PTGR1: variants seen among roughly 807,000 people sequenced by gnomAD.
PTGR1 encodes prostaglandin reductase 1.
Under a neutral mutation model 37.7 loss-of-function variants are expected in PTGR1, and 23 were observed. The ratio of observed to expected loss-of-function variants is 0.61; its 90% CI spans 0.44 to 0.86. The LOEUF (loss-of-function observed/expected upper bound fraction) is 0.86. Ranked by LOEUF, PTGR1 falls within the 40% of genes least tolerant of loss-of-function variation. The pLI, the probability that PTGR1 is intolerant of heterozygous loss-of-function variation, is 0.00. For missense variants in PTGR1, 351 were observed against 394.3 expected, an observed-to-expected ratio of 0.89 and a Z score of 0.93; for synonymous variants, 134 against 140.0, an observed-to-expected ratio of 0.96 and a Z score of 0.30.
intron 9 of PTGR1, chr9:111,563,558 T>C (rs537132265): frequency 1.2e-3 from 214 of 171,648 alleles, no homozygotes; most frequent in Non-Finnish European, 2.1e-3. Context: ...CAGGCTGGAG[T>C]GCAGTGCCGC....
intron 4 of PTGR1, among the ~76,000 whole-genome samples, chr9:111,587,730 G>GTT (rs111957718): frequency 3.9e-5 from 6 of 152,298 alleles, no homozygotes; most frequent in Admixed American, 1.3e-4. Flanking sequence ...GATTACAGGC[G>GTT]TGAGACACCG....
chr9:111,579,093 G>T, intron 6 of PTGR1, 142 bp from the exon 7 acceptor site: 1 of 766,326 alleles, frequency 1.3e-6, no homozygotes, highest in South Asian at 2.4e-5. Context: ...TACCATAATG[G>T]GCCAACAGAT....
At chr9:111,555,632 AG>A (rs1828100694) in intron 9 of PTGR1, among the ~76,000 whole-genome samples, 1 of 152,180 alleles carries the variant, frequency 6.6e-6, no homozygotes, top group Non-Finnish European at 1.5e-5. Flanking sequence ...AGAAGGGCAA[AG>A]GGGAAGCAAG....
Position 111,594,266 on chromosome 9 carries a change from C to A in PTGR1, c.108G>T (p.Glu36Asp). ...TGAGGAACAAAGCTTCAAGCAGGAC[C>A]TCTACAAAATAAAGCATTCCATAGG... ...TAELPPLKNG[E>D]VLLEALFLTV... is the part of the protein sequence containing the mutation. The change falls in exon 3 of 10, where the codon GAG (glutamate) becomes GAT (aspartate). Residue 36 changes from glutamate to aspartate, a missense_variant and splice_region_variant. Physicochemically the swap from Glu to Asp is conservative, Grantham distance 45. Coordinates refer to ENST00000407693, the MANE Select transcript of PTGR1 (RefSeq NM_001146108.2). 6.2e-7 allele frequency: 1 copy of A among 1,613,270 alleles called. No individual in the cohort carries two copies. Among genetic ancestry groups the A allele is most frequent in the Non-Finnish European group, 8.5e-7 (1 of 1,179,336 alleles).
intron 4 of PTGR1, 181 bp downstream of exon 4, chr9:111,592,745 C>A: frequency 2.7e-6 from 2 of 749,102 alleles, no homozygotes; most frequent in Non-Finnish European, 2.0e-6. Flanking sequence ...AATTTCACAT[C>A]CTTCCCTCCT....
In PTGR1 at chr9:111,597,313, T is replaced by A; in HGVS notation, c.106+4A>T. 1 of 1,592,242 alleles carries A rather than the reference T, an allele frequency of 6.3e-7. No homozygotes were observed. The highest frequency in any genetic ancestry group is 8.6e-7 in the Non-Finnish European group (1 of 1,161,132). ...AACTCTGAAATATTTTTAGTATGAC[T>A]TACCTCCATTTTTTAAGGGTGGGAG... On this transcript the variant is annotated splice_donor_region_variant and intron_variant, in intron 2 of 9. Transcript: ENST00000407693.
intron 1 of PTGR1, among the ~76,000 whole-genome samples, chr9:111,598,498 AT>A (rs1294749976): frequency 4.6e-5 from 7 of 151,976 alleles, no homozygotes; most frequent in Non-Finnish European, 1.5e-5. Context: ...TTTTTTTAAA[AT>A]TAAGACTTTT....
intron 9 of PTGR1, among the ~76,000 whole-genome samples, chr9:111,568,929 A>C (rs1482660972): frequency 1.3e-5 from 2 of 152,222 alleles, no homozygotes; most frequent in African/African-American, 2.4e-5. Flanking sequence ...TGAAGATAGA[A>C]CCACCAGAAT....
rs768494107 is a variant in PTGR1 at position 111,563,165 on chromosome 9, T to C, written c.946A>G (p.Met316Val). ...TTCCCCAAATTATCTCCTTTCAGCA[T>C]TCCCATAAATGCAGCTGGCATGTTT... is the stretch of plus-strand genomic sequence containing the variant. ...FENMPAAFMG[M>V]LKGDNLGKTI... is the part of the protein sequence containing the mutation. The change falls in exon 10 of 10, where the codon ATG (methionine) becomes GTG (valine). Residue 316 changes from methionine (M) to valine (V), a missense_variant. By Grantham distance (21) the Met-to-Val change is conservative (BLOSUM62 1). Transcript: ENST00000407693. 15 of 1,613,924 alleles carry C rather than the reference T, an allele frequency of 9.3e-6. No individual in the cohort carries two copies. Among genetic ancestry groups the C allele is most frequent in the Non-Finnish European group, 1.3e-5 (15 of 1,179,950 alleles).
downstream of PTGR1, among the ~76,000 whole-genome samples, chr9:111,557,959 C>A (rs1223472328): frequency 6.6e-6 from 1 of 151,990 alleles, no homozygotes; most frequent in Non-Finnish European, 1.5e-5. Flanking sequence ...CCAGCCTGGC[C>A]AAAATAGTGA....
intron 9 of PTGR1, 46 bp from the exon 10 acceptor site, chr9:111,563,277 CAAT>C: frequency 2.6e-6 from 4 of 1,542,848 alleles, no homozygotes; most frequent in Non-Finnish European, 3.5e-6. Context: ...TTAATATTCT[CAAT>C]GATATACTGT....
At chr9:111,594,696 G>A (rs1323178441) in intron 2 of PTGR1, among the ~76,000 whole-genome samples, 2 of 151,044 alleles carry the variant, frequency 1.3e-5, no homozygotes, top group African/African-American at 2.4e-5. Flanking sequence ...GACTACAGCC[G>A]CCTGCCTCAC....
intron 1 of PTGR1, among the ~76,000 whole-genome samples, chr9:111,598,318 A>C (rs536843338): frequency 1.3e-5 from 2 of 152,292 alleles, no homozygotes; most frequent in East Asian, 3.9e-4. Context: ...CCGCGGGTGC[A>C]TCCGCTACAA....
chr9:111,562,035 G>A (rs541267166), downstream of PTGR1, among the ~76,000 whole-genome samples: 18 of 152,054 alleles, frequency 1.2e-4, no homozygotes, highest in South Asian at 3.3e-3. Context: ...ACAGGCACCC[G>A]CTACCATGCC....
intron 4 of PTGR1, among the ~76,000 whole-genome samples, chr9:111,590,815 C>CA (rs1829587873): frequency 6.6e-6 from 1 of 152,154 alleles, no homozygotes; most frequent in Non-Finnish European, 1.5e-5. Flanking sequence ...TACATACATA[C>CA]ATGCTCCTGG....
At chr9:111,569,923 T>C in intron 9 of PTGR1, 168 bp downstream of exon 9, 1 of 1,143,102 alleles carries the variant, frequency 8.7e-7, no homozygotes, top group Non-Finnish European at 1.2e-6. Context: ...TGTTTTCCTT[T>C]CAAAGATGGG....
intron 9 of PTGR1, among the ~76,000 whole-genome samples, chr9:111,565,909 T>C (rs1828540716): frequency 6.6e-6 from 1 of 152,040 alleles, no homozygotes. Flanking sequence ...TTAGGCCAAC[T>C]CACGACTTAA....
At chr9:111,582,519 AAAGGTAGCCCATAAT>A (rs1829312257) in intron 6 of PTGR1, among the ~76,000 whole-genome samples, 1 of 129,464 alleles carries the variant, frequency 7.7e-6, no homozygotes, top group East Asian at 2.0e-4. Flanking sequence ...AGTCAATTCC[AAAGGTAGCCCATAAT>A]ATACCATACA....
At chr9:111,556,576 T>G (rs1172089919) in intron 9 of PTGR1, among the ~76,000 whole-genome samples, 1 of 152,250 alleles carries the variant, frequency 6.6e-6, no homozygotes, top group African/African-American at 2.4e-5. Context: ...TTGTCTTCTT[T>G]GCACCTGCAG....
Sources: allele counts gnomAD v4.1 joint callset (sites outside exome capture counted in the v4.1 genomes callset), GRCh38; gene constraint gnomAD v4.1.1; transcripts MANE v1.5; gene names NCBI Gene and HGNC (gene_info 2026-07-23, HGNC 2026-07-21).